The following HIPK3 variants were observed in gnomAD, a reference collection of about 807,000 sequenced individuals.
HIPK3 encodes homeodomain-interacting protein kinase 3.
Under a neutral mutation model 124.2 loss-of-function variants are expected in HIPK3, and 47 were observed. The ratio of observed to expected loss-of-function variants is 0.38; its 90% CI spans 0.30 to 0.48. HIPK3 has a LOEUF of 0.48. Ranked by LOEUF, HIPK3 falls within the 20% of genes least tolerant of loss-of-function variation. The probability of loss-of-function intolerance (pLI) is 0.98; values close to 1 mark genes in which losing one functional copy is unlikely to be tolerated. For synonymous variants in HIPK3, 482 were observed against 515.2 expected, an observed-to-expected ratio of 0.94 and a Z score of 0.87; for missense variants, 1,286 against 1,454.3, an observed-to-expected ratio of 0.88 and a Z score of 1.88.
intron 15 of HIPK3, 139 bp downstream of exon 15, chr11:33,351,982 A>G: frequency 1.0e-6 from 1 of 966,056 alleles, no homozygotes; most frequent in Non-Finnish European, 1.5e-6. Context: ...GAAATCTTCT[A>G]GTATTATCCA....
At chr11:33,278,374 G>C (rs1851324829) in intron 1 of HIPK3, among the ~76,000 whole-genome samples, 1 of 152,184 alleles carries the variant, frequency 6.6e-6, no homozygotes. Context: ...TTTGAGGACA[G>C]AATGTGAAGG....
At position 33,278,560 on chromosome 11, in the gene HIPK3, G is replaced by T. The variant is rs368569533; in HGVS notation, c.-2-7853G>T. Among the ~76,000 whole-genome samples the T allele has an allele frequency of 3.0e-4, 45 of 152,252 alleles. 1 individual carries two copies. Among genetic ancestry groups the T allele is most frequent in the East Asian group, 2.7e-3 (14 of 5,184 alleles). On this transcript the variant is annotated intron_variant, in intron 1 of 16. Coordinates refer to ENST00000303296, the MANE Select transcript of HIPK3 (RefSeq NM_005734.5). ...GTTTCTTGGTGTTGCTGGTTTCTTT[G>T]TTTTTTTAGCATGCTCACTGTACTT... is the stretch of plus-strand genomic sequence containing the variant.
intron 2 of HIPK3, among the ~76,000 whole-genome samples, chr11:33,316,231 C>G (rs929737778): frequency 1.3e-5 from 2 of 152,140 alleles, no homozygotes; most frequent in East Asian, 3.8e-4. Context: ...TAAAAAAGCA[C>G]CATTCTGTGG....
chr11:33,303,831 C>T lies in HIPK3; in HGVS notation c.1097+16320C>T, dbSNP rs751406185. On this transcript the variant is annotated intron_variant, in intron 2 of 16. Transcript: ENST00000303296. ...GAATCTAATATGTGCTAAACTTTGA[C>T]ATTAAAAGGAACAAACATTTCTTTC... Among the ~76,000 whole-genome samples the T allele has an allele frequency of 1.4e-4, 21 of 152,178 alleles. 1 individual carries two copies. The highest frequency in any genetic ancestry group is 2.9e-4 in the Non-Finnish European group (20 of 68,010).
In HIPK3 at chr11:33,279,349, GAGA is replaced by G. The variant is rs370745382; in HGVS notation, c.-2-7053_-2-7051del. 2.1e-3 allele frequency among the ~76,000 whole-genome samples: 278 copies of G among 130,114 alleles called. 2 individuals carry two copies. Among genetic ancestry groups the G allele is most frequent in the African/African-American group, 6.8e-3 (239 of 35,316 alleles). The allele number at this position is 130,114 out of a possible 152,430, so 85.4% of individuals were successfully genotyped here. A position where few individuals can be genotyped will look rare whatever the true frequency, so the allele number is the denominator to read the frequency against. On this transcript the variant is annotated intron_variant, in intron 1 of 16. Coordinates refer to ENST00000303296, the MANE Select transcript of HIPK3 (RefSeq NM_005734.5). The stretch of plus-strand genomic sequence containing the variant: ...CAAAAAAAAAAAAAAAAAAAAAAAA[GAGA>G]AGAAGAAGAACCCTATTACATATGT...
chr11:33,286,863 T>C lies in HIPK3; in HGVS notation c.449T>C (p.Leu150Pro). The change falls in exon 2 of 17, where the codon CTT (leucine) becomes CCT (proline). Residue 150 changes from leucine (L) to proline (P), a missense_variant. Leu to Pro is a moderately conservative substitution (Grantham distance 98). Around this residue, in one of 3 missense-constraint regions of HIPK3, gnomAD observed 225 missense variants for 240.3 expected, o/e 0.94. Transcript: ENST00000303296. ...AMQIVDELSI[L>P]PAMLQTNMGN... ...CAGATTGTCGATGAATTGTCCATAC[T>C]TCCTGCAATGTTGCAAACCAACATG... 6.2e-7 allele frequency: 1 copy of C among 1,614,228 alleles called. No individual in the cohort carries two copies. The highest frequency in any genetic ancestry group is 8.5e-7 in the Non-Finnish European group (1 of 1,180,040).
At chr11:33,330,592 G>A (rs1425931986) in intron 3 of HIPK3, among the ~76,000 whole-genome samples, 1 of 152,196 alleles carries the variant, frequency 6.6e-6, no homozygotes, top group Non-Finnish European at 1.5e-5. Flanking sequence ...CTCCCAAAGT[G>A]TTGGGATTAC....
chr11:33,273,385 T>C (rs1851187259), intron 1 of HIPK3, among the ~76,000 whole-genome samples: 5 of 151,622 alleles, frequency 3.3e-5, no homozygotes, highest in Admixed American at 2.0e-4. Context: ...GGCGGGCACC[T>C]GTAGTCCCAG....
At chr11:33,337,264 C>T in intron 4 of HIPK3, 70 bp downstream of exon 4, 1 of 769,608 alleles carries the variant, frequency 1.3e-6, no homozygotes. Context: ...TGGATAATAC[C>T]TTCCATGTCT....
At chr11:33,352,892 A>G (rs965795783) in intron 16 of HIPK3, among the ~76,000 whole-genome samples, 200 bp from the exon 17 acceptor site, 1 of 152,106 alleles carries the variant, frequency 6.6e-6, no homozygotes, top group Non-Finnish European at 1.5e-5. Context: ...AATATGTAGT[A>G]ATAAATACTA....
chr11:33,334,865 G>A (rs963739951), intron 3 of HIPK3, among the ~76,000 whole-genome samples: 5 of 152,148 alleles, frequency 3.3e-5, no homozygotes, highest in South Asian at 2.1e-4. Flanking sequence ...GGGCGTGAGC[G>A]GCTAAGGACA....
Position 33,257,876 on chromosome 11 carries a change from G to A in HIPK3, c.-16G>A, listed in dbSNP as rs945419616. On this transcript the variant is annotated 5_prime_UTR_variant, in exon 1 of 17. Transcript: ENST00000303296. Reference sequence around the variant, plus strand: ...CGGCCGCCCGAAGAGGAGAGAGCGCGGGCCTCTAGGAAGGTAAGGGAGTCG... The same window carrying A: ...CGGCCGCCCGAAGAGGAGAGAGCGCAGGCCTCTAGGAAGGTAAGGGAGTCG... 10 of 985,562 alleles carry A rather than the reference G, an allele frequency of 1.0e-5. No individual in the cohort carries two copies. The African/African-American group carries it at 1.4e-4, about 14-fold the overall frequency. The allele number at this position is 985,562 out of a possible 1,614,324, so 61.1% of individuals were successfully genotyped here. A position where few individuals can be genotyped will look rare whatever the true frequency, so the allele number is the denominator to read the frequency against.
At chr11:33,291,698 G>A (rs1851702544) in intron 2 of HIPK3, among the ~76,000 whole-genome samples, 1 of 152,110 alleles carries the variant, frequency 6.6e-6, no homozygotes, top group South Asian at 2.1e-4. Flanking sequence ...ATGAGGTGTG[G>A]TGGCAACATT....
At chr11:33,352,941 TCTC>T in intron 16 of HIPK3, 148 bp from the exon 17 acceptor site, 1 of 544,932 alleles carries the variant, frequency 1.8e-6, no homozygotes, top group Non-Finnish European at 3.2e-6. Flanking sequence ...GATATTTTTC[TCTC>T]CTCTAGTTAT....
At chr11:33,296,576 G>A (rs955382139) in intron 2 of HIPK3, among the ~76,000 whole-genome samples, 3 of 152,064 alleles carry the variant, frequency 2.0e-5, no homozygotes, top group Admixed American at 2.0e-4. Context: ...AACAGCATGC[G>A]CTCATTTTAT....
chr11:33,329,247 C>T (rs1040223949), intron 3 of HIPK3, among the ~76,000 whole-genome samples: 3 of 152,068 alleles, frequency 2.0e-5, no homozygotes, highest in African/African-American at 7.2e-5. Context: ...ATATTAATAC[C>T]AAGATTATTT....
At chr11:33,266,042 GA>G (rs1277296508) in intron 1 of HIPK3, among the ~76,000 whole-genome samples, 1 of 139,204 alleles carries the variant, frequency 7.2e-6, no homozygotes, top group Non-Finnish European at 1.5e-5. Flanking sequence ...CTGGGCGACA[GA>G]GTGAGACTCC....
At chr11:33,344,355 T>A (rs1265487259) in intron 8 of HIPK3, among the ~76,000 whole-genome samples, 1 of 152,188 alleles carries the variant, frequency 6.6e-6, no homozygotes, top group Admixed American at 6.5e-5. Flanking sequence ...CAAAATCAGT[T>A]TGAGGGTCAC....
intron 1 of HIPK3, among the ~76,000 whole-genome samples, chr11:33,279,787 C>T (rs1483049323): frequency 6.6e-6 from 1 of 152,162 alleles, no homozygotes; most frequent in Non-Finnish European, 1.5e-5. Context: ...ATCAAGGTGC[C>T]AGCAGATTTG....
Sources: gnomAD v4.1 joint callset for allele counts (sites outside exome capture counted in the v4.1 genomes callset) on GRCh38, gnomAD v4.1.1 for gene constraint, gnomAD v4.1.1 regional missense constraint, MANE v1.5 for transcripts, NCBI Gene and HGNC (gene_info 2026-07-23, HGNC 2026-07-21) for gene names.